The following MICAL2 variants were observed in gnomAD, a reference collection of about 807,000 sequenced individuals.
The protein encoded by MICAL2 is microtubule associated monooxygenase, calponin and LIM domain containing 2.
Under a neutral mutation model 127.3 loss-of-function variants are expected in MICAL2, and 77 were observed. The observed-to-expected ratio is 0.60, with a 90% CI of 0.50 to 0.73. MICAL2 has a LOEUF of 0.73. MICAL2 is among the 30% of genes least tolerant of loss of function. The pLI, the probability that MICAL2 is intolerant of heterozygous loss-of-function variation, is 0.00. For synonymous variants in MICAL2, 570 were observed against 551.1 expected (o/e 1.03, Z -0.48); for missense variants, 1,351 against 1,434.4 (o/e 0.94, Z 0.94).
chr11:12,213,586 A>G (rs1855790595), intron 7 of MICAL2, among the ~76,000 whole-genome samples, 176 bp downstream of exon 7: 1 of 152,240 alleles, frequency 6.6e-6, no homozygotes. Context: ...CTTCTGGGAC[A>G]AGAGAGATTC....
chr11:12,358,311 G>A, exon 35 of MICAL2: 1 of 1,613,926 alleles, frequency 6.2e-7, no homozygotes, highest in Non-Finnish European at 8.5e-7. Flanking sequence ...AGAAAGATGA[G>A]AAGGATCTAA....
intron 24 of MICAL2, among the ~76,000 whole-genome samples, chr11:12,257,945 C>T (rs1430107709): frequency 6.6e-6 from 1 of 152,204 alleles, no homozygotes; most frequent in Non-Finnish European, 1.5e-5. Flanking sequence ...CAGCATTTCC[C>T]ACCCGCCAGG....
At chr11:12,177,015 G>T (rs763677519) in intron 3 of MICAL2, among the ~76,000 whole-genome samples, 1 of 152,076 alleles carries the variant, frequency 6.6e-6, no homozygotes, top group Non-Finnish European at 1.5e-5. Flanking sequence ...TGGGTATGTG[G>T]TATACCCAGA....
intron 7 of MICAL2, 121 bp from the exon 8 acceptor site, chr11:12,216,098 T>A: frequency 1.4e-6 from 1 of 708,704 alleles, no homozygotes; most frequent in Non-Finnish European, 2.4e-6. Context: ...CCTTAAAAAC[T>A]GGTCTAACAT....
chr11:12,277,838 A>C (rs1468662479), intron 1 of MICAL2, among the ~76,000 whole-genome samples: 2 of 152,226 alleles, frequency 1.3e-5, no homozygotes, highest in African/African-American at 4.8e-5. Flanking sequence ...TAGATGGGCA[A>C]GCTCACTCCA....
intron 3 of MICAL2, among the ~76,000 whole-genome samples, chr11:12,174,989 G>A (rs1856679078): frequency 6.6e-6 from 1 of 152,036 alleles, no homozygotes; most frequent in East Asian, 1.9e-4. Context: ...CTGGTGTGGT[G>A]GAATGCACCT....
chr11:12,158,259 C>A (rs1490845116), intron 2 of MICAL2, among the ~76,000 whole-genome samples: 1 of 152,164 alleles, frequency 6.6e-6, no homozygotes, highest in Non-Finnish European at 1.5e-5. Context: ...AAGGGATACT[C>A]AACCTGTATA....
At chr11:12,213,475 G>A in intron 7 of MICAL2, 65 bp downstream of exon 7, 1 of 1,531,992 alleles carries the variant, frequency 6.5e-7, no homozygotes, top group Non-Finnish European at 8.8e-7. Context: ...AAAGTGTGCA[G>A]AGGCGTGTGC....
At chr11:12,204,211 G>A (rs1359825543) in intron 3 of MICAL2, 39 bp from the exon 4 acceptor site, 1 of 1,592,938 alleles carries the variant, frequency 6.3e-7, no homozygotes, top group African/African-American at 1.3e-5. Context: ...TGTGATGCTA[G>A]AGGTTACCAA....
At chr11:12,324,272 C>A (rs1864332339) in intron 31 of MICAL2, among the ~76,000 whole-genome samples, 1 of 152,072 alleles carries the variant, frequency 6.6e-6, no homozygotes, top group Non-Finnish European at 1.5e-5. Flanking sequence ...TCCTGGAGAG[C>A]CCCCGTGTTA....
chr11:12,193,296 ACTC>A (rs1275796196), intron 3 of MICAL2, among the ~76,000 whole-genome samples: 2 of 152,114 alleles, frequency 1.3e-5, no homozygotes. Context: ...GTAGCCTTGC[ACTC>A]CTTGGCTCCA....
At chr11:12,238,648 G>GATCCTGGATTGA (rs11270059) in intron 16 of MICAL2, among the ~76,000 whole-genome samples, 49,234 of 138,072 alleles carry the variant, frequency 0.36, 9,495 homozygotes, top group Non-Finnish European at 0.49. Context: ...TGCAGTGTGG[G>GATCCTGGATTGA]ATCCTGGGAC....
In MICAL2 at chr11:12,242,365, G is replaced by T. The variant is rs368253911; in HGVS notation, c.2489G>T (p.Arg830Leu). The change falls in exon 19 of 28, where the codon CGC becomes CTC. Residue 830 changes from arginine to leucine, a missense_variant. Physicochemically the swap from Arg to Leu is moderately radical, Grantham distance 102. Transcript: ENST00000683283. ...AATTTCGCTACCCTGCCTTCTACCC[G>T]CCCGAGGGCGCAGGCTCTTTCCGGG... Reference protein sequence around the residue: ...TENFATLPSTRPRAQALSGVL... With the variant: ...TENFATLPSTLPRAQALSGVL... 6.2e-7 allele frequency: 1 copy of T among 1,614,000 alleles called. No homozygotes were observed. The highest frequency in any genetic ancestry group is 1.1e-5 in the South Asian group (1 of 91,068).
chr11:12,212,096 A>T (rs867507997), intron 6 of MICAL2, among the ~76,000 whole-genome samples: 3 of 152,076 alleles, frequency 2.0e-5, no homozygotes, highest in African/African-American at 7.2e-5. Context: ...CCACTCCTGG[A>T]TTCCCCAGCT....
intron 15 of MICAL2, among the ~76,000 whole-genome samples, chr11:12,235,716 G>T (rs1188411430): frequency 1.3e-5 from 2 of 152,138 alleles, no homozygotes; most frequent in East Asian, 3.9e-4. Flanking sequence ...TAGGAGAGAG[G>T]CTCCCTGGGT....
At chr11:12,198,085 C>T (rs373887916) in intron 3 of MICAL2, among the ~76,000 whole-genome samples, 2 of 152,190 alleles carry the variant, frequency 1.3e-5, no homozygotes, top group African/African-American at 4.8e-5. Context: ...CCCTGGGGAG[C>T]CCCTACTGGC....
intron 3 of MICAL2, among the ~76,000 whole-genome samples, chr11:12,180,706 G>T (rs1210424314): frequency 6.6e-6 from 1 of 151,942 alleles, no homozygotes; most frequent in Non-Finnish European, 1.5e-5. Context: ...TAAGGGACTT[G>T]CCTAGAATTT....
intron 3 of MICAL2, among the ~76,000 whole-genome samples, chr11:12,198,197 G>A (rs565095247): frequency 3.3e-5 from 5 of 152,274 alleles, no homozygotes; most frequent in East Asian, 1.9e-4. Flanking sequence ...CTGTTACCAC[G>A]GCTATGTCAT....
intron 21 of MICAL2, among the ~76,000 whole-genome samples, chr11:12,247,769 G>T (rs1156234864): frequency 6.6e-6 from 1 of 152,226 alleles, no homozygotes; most frequent in Non-Finnish European, 1.5e-5. Context: ...CTTAAAGTAG[G>T]TGATGATTTG....
Sources: allele counts gnomAD v4.1 joint callset (sites outside exome capture counted in the v4.1 genomes callset), GRCh38; gene constraint gnomAD v4.1.1; transcripts MANE v1.5; gene names NCBI Gene and HGNC (gene_info 2026-07-23, HGNC 2026-07-21).